Variants in KIF15 observed in about 807,000 individuals in gnomAD.
KIF15 encodes the protein kinesin family member 15.
In KIF15, 140 loss-of-function variants were observed where a neutral mutation model predicts 190.6. The ratio of observed to expected loss-of-function variants is 0.73; its 90% confidence interval spans 0.64 to 0.84. The LOEUF (loss-of-function observed/expected upper bound fraction) is 0.84, where lower values mean the gene tolerates loss of function less well. KIF15 is among the 40% of genes least tolerant of loss of function. The pLI, the probability that KIF15 is intolerant of heterozygous loss-of-function variation, is 0.00. For missense variants in KIF15, 1,372 were observed against 1,584.4 expected (o/e 0.87, Z 2.28); for synonymous variants, 528 against 551.3 (o/e 0.96, Z 0.59).
At chr3:44,793,882 C>CTT (rs557589917) in intron 7 of KIF15, among the ~76,000 whole-genome samples, 3 of 132,368 alleles carry the variant, frequency 2.3e-5, no homozygotes, top group Non-Finnish European at 4.9e-5. Context: ...TTCTCTTTTC[C>CTT]TTTTTTTTTT....
chr3:44,781,364 TAA>T (rs1337304826), intron 5 of KIF15, among the ~76,000 whole-genome samples: 1 of 152,244 alleles, frequency 6.6e-6, no homozygotes, highest in Non-Finnish European at 1.5e-5. Context: ...CTTTTAGTGT[TAA>T]GTTTCTGCGA....
chr3:44,774,284 T>G, intron 1 of KIF15, 111 bp from the exon 2 acceptor site: 2 of 847,306 alleles, frequency 2.4e-6, no homozygotes, highest in Admixed American at 4.5e-5. Flanking sequence ...ATTGTTAAAG[T>G]CAGGGATCTG....
chr3:44,819,032 G>C (rs1472637553), intron 20 of KIF15, among the ~76,000 whole-genome samples: 2 of 152,204 alleles, frequency 1.3e-5, no homozygotes, highest in Non-Finnish European at 2.9e-5. Flanking sequence ...TATTTGCGTA[G>C]AGGTGTTTAT....
chr3:44,851,077 A>T (rs540445466), intron 32 of KIF15, among the ~76,000 whole-genome samples: 1 of 152,318 alleles, frequency 6.6e-6, no homozygotes, highest in South Asian at 2.1e-4. Flanking sequence ...AGCCTGGGCA[A>T]CATAGCAAGA....
intron 26 of KIF15, among the ~76,000 whole-genome samples, chr3:44,834,808 C>A (rs1395098407): frequency 6.6e-6 from 1 of 151,496 alleles, no homozygotes; most frequent in Non-Finnish European, 1.5e-5. Flanking sequence ...TGGCACGTGC[C>A]TATAGTCCCA....
intron 1 of KIF15, among the ~76,000 whole-genome samples, chr3:44,767,518 G>A (rs1705446622): frequency 6.6e-6 from 1 of 152,192 alleles, no homozygotes. Context: ...GGGTGATCAG[G>A]AGCTCAATTT....
chr3:44,804,923 T>C, intron 14 of KIF15, 104 bp from the exon 15 acceptor site: 3 of 1,227,492 alleles, frequency 2.4e-6, no homozygotes, highest in Non-Finnish European at 3.4e-6. Context: ...TAGTACACTA[T>C]GATCATGCTT....
In KIF15 at chr3:44,826,136, A is replaced by T. The variant is rs1475705681; in HGVS notation, c.2647A>T (p.Arg883Ter). The change falls in exon 21 of 35, where the codon AGA (arginine) becomes TGA (stop). Residue 883 changes from arginine to a stop codon, truncating the protein, a stop_gained. Transcript: ENST00000326047. LOFTEE classifies it high-confidence loss of function. ...IMKFEIDQLS[R>*]NLQNFKKENE... ...GAAATTTGAGATTGACCAACTTTCA[A>T]GAAACCTCCAAAACTTCAAAAAAGA... 1 of 1,586,588 alleles carries T rather than the reference A, an allele frequency of 6.3e-7. No individual in the cohort carries two copies. The highest frequency in any genetic ancestry group is 1.2e-5 in the South Asian group (1 of 84,800).
intron 6 of KIF15, among the ~76,000 whole-genome samples, chr3:44,864,845 G>A (rs1038837610): frequency 6.6e-6 from 1 of 152,160 alleles, no homozygotes; most frequent in Non-Finnish European, 1.5e-5. Flanking sequence ...AGTGCAGTGA[G>A]GGAGGTAGCC....
At chr3:44,832,072 G>A (rs918392896) in intron 26 of KIF15, among the ~76,000 whole-genome samples, 2 of 152,158 alleles carry the variant, frequency 1.3e-5, no homozygotes, top group Non-Finnish European at 2.9e-5. Flanking sequence ...GTAATATGAT[G>A]TAATAACCTG....
intron 20 of KIF15, among the ~76,000 whole-genome samples, chr3:44,820,985 C>A (rs1313952241): frequency 8.1e-5 from 12 of 147,904 alleles, no homozygotes; most frequent in Non-Finnish European, 1.5e-4. Context: ...GGGGGCTGAC[C>A]CCCCCACCTC....
In KIF15 at chr3:44,826,159, A is replaced by T. The variant is rs1053190171; in HGVS notation, c.2670A>T (p.Lys890Asn). 1.3e-6 allele frequency: 2 copies of T among 1,577,006 alleles called. No homozygotes were observed. The highest frequency in any genetic ancestry group is 4.3e-5 in the Admixed American group (2 of 47,054). The change falls in exon 21 of 35, where the codon AAA (lysine) becomes AAT (asparagine). Residue 890 changes from lysine (K) to asparagine (N), a missense_variant. Physicochemically the swap from Lys to Asn is moderately conservative, Grantham distance 94. Coordinates refer to ENST00000326047, the MANE Select transcript of KIF15 (RefSeq NM_020242.3). ...CAAGAAACCTCCAAAACTTCAAAAA[A>T]GAAAATGAAACTCTGAAATCTGATC... ...QLSRNLQNFKKENETLKSDLN... is the reference protein window; with the variant it reads ...QLSRNLQNFKNENETLKSDLN...
At chr3:44,860,979 T>C (rs1355339361) in intron 6 of KIF15, among the ~76,000 whole-genome samples, 1 of 152,160 alleles carries the variant, frequency 6.6e-6, no homozygotes, top group African/African-American at 2.4e-5. Flanking sequence ...ACTTTTTAAA[T>C]GGGAACATTT....
chr3:44,761,922 C>T (rs1460638770), intron 1 of KIF15, 38 bp downstream of exon 1: 10 of 1,613,774 alleles, frequency 6.2e-6, no homozygotes, highest in Admixed American at 1.7e-5. Context: ...CCTATTTTTG[C>T]CCCCAAATAC....
At chr3:44,819,029 G>C (rs541309161) in intron 20 of KIF15, among the ~76,000 whole-genome samples, 1 of 152,214 alleles carries the variant, frequency 6.6e-6, no homozygotes, top group South Asian at 2.1e-4. Context: ...GTTTATTTGC[G>C]TAGAGGTGTT....
downstream of KIF15, among the ~76,000 whole-genome samples, chr3:44,855,745 G>A (rs1699181819): frequency 6.6e-6 from 1 of 152,110 alleles, no homozygotes; most frequent in Non-Finnish European, 1.5e-5. Context: ...ATGTGGTTTT[G>A]TATGAATTGA....
In KIF15 at chr3:44,814,960, C is replaced by A. The variant is rs754712155; in HGVS notation, c.2433C>A (p.Asp811Glu). ...HDLRVVLHSA[D>E]KELSSVKLEY... The stretch of plus-strand genomic sequence containing the variant: ...TGCGAGTAGTCCTTCATTCTGCTGA[C>A]AAGGAGCTTTCTTCAGTGAAATTGG... Residue 811 changes from aspartate (D) to glutamate (E), a missense_variant, in exon 20 of 35, where the codon GAC becomes GAA. Transcript: ENST00000326047. 1.9e-6 allele frequency: 3 copies of A among 1,612,584 alleles called. No homozygotes were observed. Among genetic ancestry groups the A allele is most frequent in the Non-Finnish European group, 2.5e-6 (3 of 1,179,526 alleles).
At chr3:44,790,932 C>T (rs529527492) in intron 7 of KIF15, among the ~76,000 whole-genome samples, 21 of 152,232 alleles carry the variant, frequency 1.4e-4, no homozygotes, top group African/African-American at 4.6e-4. Context: ...CTGCCTGCCT[C>T]GGCCTCCCAA....
At position 44,774,439 on chromosome 3, in the gene KIF15, T is replaced by C; in HGVS notation, c.62+2T>C. 3 of 1,611,282 alleles carry C rather than the reference T, an allele frequency of 1.9e-6. No homozygotes were observed. The highest frequency in any genetic ancestry group is 2.5e-6 in the Non-Finnish European group (3 of 1,178,342). On this transcript the variant is annotated splice_donor_variant, in intron 2 of 34. Coordinates refer to ENST00000326047, the MANE Select transcript of KIF15 (RefSeq NM_020242.3). LOFTEE classifies it high-confidence loss of function. ...AAATGGTCAGTCTAACCAACCAAGG[T>C]AAGGAGAAAAATATTCTCAATGAGC... is the stretch of plus-strand genomic sequence containing the variant.
Sources: allele counts gnomAD v4.1 joint callset (sites outside exome capture counted in the v4.1 genomes callset), GRCh38; gene constraint gnomAD v4.1.1; transcripts MANE v1.5; gene names NCBI Gene and HGNC (gene_info 2026-07-23, HGNC 2026-07-21).